The following GAS6 variants were observed in gnomAD, a reference collection of about 807,000 sequenced individuals.
GAS6 encodes the protein growth arrest-specific protein 6.
GAS6 carries 41 observed loss-of-function variants against 75.8 expected under a neutral mutation model. The observed-to-expected ratio is 0.54, with a 90% CI of 0.42 to 0.70. The LOEUF is 0.70. Among genes scored for constraint, GAS6 ranks in the 30% least tolerant of loss-of-function variants. The pLI, the probability that GAS6 is intolerant of heterozygous loss-of-function variation, is 0.00. For synonymous variants in GAS6, 432 were observed against 412.6 expected (o/e 1.05, Z -0.57); for missense variants, 854 against 940.2 (o/e 0.91, Z 1.20).
chr13:113,825,690 T>C (rs1447699542), intron 12 of GAS6, among the ~76,000 whole-genome samples: 2 of 152,204 alleles, frequency 1.3e-5, no homozygotes, highest in Admixed American at 1.3e-4. Context: ...TCAAACATTA[T>C]GATGCTCTAG....
chr13:113,842,867 C>A (rs367745316), intron 4 of GAS6: 1 of 396,982 alleles, frequency 2.5e-6, no homozygotes, highest in Non-Finnish European at 4.4e-6. Context: ...GAATGCCTTT[C>A]GGAAAGACCT....
rs772864176 is a variant in GAS6, at chr13:113,835,569, T to G, written c.656A>C (p.Tyr219Ser). The G allele has an allele frequency of 1.7e-5, 28 of 1,611,702 alleles. No individual in the cohort carries two copies. Among genetic ancestry groups the G allele is most frequent in the Non-Finnish European group, 2.3e-5 (27 of 1,179,710 alleles). Residue 219 changes from tyrosine to serine, a missense_variant, in exon 7 of 15, where the codon TAC (tyrosine) becomes TCC (serine). Tyr to Ser is a moderately radical substitution (Grantham distance 144). Transcript: ENST00000327773. ...AAAGCCCTCGTCACAGAGGCAGGAG[T>G]AGGAGCCGGGCAGGTTCTTGCAGCG... is the stretch of plus-strand genomic sequence containing the variant. ...EARCKNLPGSYSCLCDEGFAY... is the reference protein window; with the variant it reads ...EARCKNLPGSSSCLCDEGFAY...
intron 3 of GAS6, 124 bp downstream of exon 3, chr13:113,847,902 T>C (rs1293797795): frequency 3.5e-5 from 31 of 886,840 alleles, no homozygotes; most frequent in Non-Finnish European, 5.5e-5. Flanking sequence ...CAGTTCCACG[T>C]GCACCATGTG....
intron 4 of GAS6, chr13:113,840,162 T>G (rs2051761000): frequency 2.9e-6 from 1 of 348,768 alleles, no homozygotes; most frequent in African/African-American, 2.2e-5. Context: ...GCCTGGGAGC[T>G]CAGACCTCCC....
chr13:113,856,221 C>A (rs374754733), intron 2 of GAS6, among the ~76,000 whole-genome samples: 23 of 152,334 alleles, frequency 1.5e-4, no homozygotes, highest in African/African-American at 5.3e-4. Flanking sequence ...CACCACTCAG[C>A]CCTCACATGG....
At chr13:113,835,946 A>G in intron 6 of GAS6, 1 of 1,151,014 alleles carries the variant, frequency 8.7e-7, no homozygotes, top group African/African-American at 1.6e-5. Flanking sequence ...CATTTAAATG[A>G]CGGTGCTACA....
At chr13:113,849,291 G>A (rs989876831) in intron 2 of GAS6, among the ~76,000 whole-genome samples, 2 of 152,174 alleles carry the variant, frequency 1.3e-5, no homozygotes, top group Non-Finnish European at 2.9e-5. Context: ...CTGCAGACCT[G>A]GAACACACAC....
Position 113,832,749 on chromosome 13 carries a change from T to C in GAS6, c.838A>G (p.Ile280Val). The C allele has an allele frequency of 6.2e-7, 1 of 1,612,664 alleles. No individual in the cohort carries two copies. Among genetic ancestry groups the C allele is most frequent in the Non-Finnish European group, 8.5e-7 (1 of 1,179,920 alleles). Residue 280 changes from isoleucine (I) to valine (V), a missense_variant, in exon 9 of 15, where the codon ATC becomes GTC. Transcript: ENST00000327773. Reference protein sequence around the residue: ...LSQDMDTCEDILPCVPFSVAK... With the variant: ...LSQDMDTCEDVLPCVPFSVAK... ...ACGCTGAAGGGCACGCACGGCAAGATGTCCTGCCACGGACGGGGGCCACGC... is the reference window on the plus strand; with the variant it reads ...ACGCTGAAGGGCACGCACGGCAAGACGTCCTGCCACGGACGGGGGCCACGC...
At position 113,826,985 on chromosome 13, in the gene GAS6, C is replaced by G; in HGVS notation, c.1477+11G>C. 6.2e-7 allele frequency: 1 copy of G among 1,611,314 alleles called. No homozygotes were observed. Among genetic ancestry groups the G allele is most frequent in the Non-Finnish European group, 8.5e-7 (1 of 1,179,044 alleles). ...GCCACAGCCACCCCAACGGTAAGAG[C>G]CAAGACTTACTGTAGTCCAGGCTGT... On this transcript the variant is annotated intron_variant, in intron 12 of 14. Coordinates refer to ENST00000327773, the MANE Select transcript of GAS6 (RefSeq NM_000820.4).
In GAS6 at chr13:113,832,343, C is replaced by T; in HGVS notation, c.1099G>A (p.Val367Ile). The T allele has an allele frequency of 6.2e-7, 1 of 1,604,498 alleles. No individual in the cohort carries two copies. Among genetic ancestry groups the T allele is most frequent in the Non-Finnish European group, 8.5e-7 (1 of 1,179,840 alleles). The change falls in exon 10 of 15, where the codon GTC (valine) becomes ATC (isoleucine). Residue 367 changes from valine to isoleucine, a missense_variant. Transcript: ENST00000327773. ...LQLRYNGVGRVTSSGPVINHG... is the reference protein window; with the variant it reads ...LQLRYNGVGRITSSGPVINHG... The stretch of plus-strand genomic sequence containing the variant: ...TTGATGACCGGGCCGCTGCTGGTGA[C>T]ACGGCCGACACCGTTGTAGCGCAGC...
intron 7 of GAS6, 31 bp from the exon 8 acceptor site, chr13:113,834,703 G>A (rs374998765): frequency 5.4e-5 from 81 of 1,500,860 alleles, no homozygotes; most frequent in East Asian, 1.9e-4. Flanking sequence ...GCGGTGAGCC[G>A]GGGAGGCCTC....
intron 10 of GAS6, among the ~76,000 whole-genome samples, chr13:113,831,409 G>T (rs1009932796): frequency 6.6e-6 from 1 of 152,196 alleles, no homozygotes; most frequent in Admixed American, 6.5e-5. Context: ...GCCACGGCCC[G>T]GGAGACACGT....
In GAS6 at chr13:113,837,948, C is replaced by T. The variant is rs1346826212; in HGVS notation, c.589+121G>A. On this transcript the variant is annotated intron_variant, in intron 6 of 14. Transcript: ENST00000327773. The surrounding 1 kb of genome is among the most constrained non-coding windows in gnomAD (Gnocchi z 5.1). ...GGCTTGTGTAGTCTCTGCAGGATGC[C>T]CCATCCCATCCAGAACCACAGGAAC... 1.7e-5 allele frequency: 21 copies of T among 1,209,036 alleles called. No individual in the cohort carries two copies. Among genetic ancestry groups the T allele is most frequent in the South Asian group, 2.7e-5 (2 of 72,750 alleles). 74.9% of individuals were successfully genotyped at this position (1,209,036 alleles called of 1,614,324 possible).
chr13:113,825,299 G>T (rs993074560), intron 12 of GAS6, among the ~76,000 whole-genome samples: 1 of 151,066 alleles, frequency 6.6e-6, no homozygotes. Flanking sequence ...TTGGCCATCG[G>T]GGCTTCACAA....
intron 10 of GAS6, among the ~76,000 whole-genome samples, chr13:113,830,541 T>G: frequency 1.9e-5 from 1 of 53,076 alleles, no homozygotes; most frequent in East Asian, 4.7e-4. Context: ...TCAGGCCACC[T>G]GCCCCGGGCC....
rs894686352 is a variant in GAS6 at position 113,864,060 on chromosome 13, C to T, written c.-140G>A. On this transcript the variant is annotated 5_prime_UTR_variant, in exon 1 of 15. In the 5' UTR this introduces an upstream ATG that the reference lacks. Transcript: ENST00000327773. ...GGCGGCGGCGGCGGCGGCTGCGGCACCTCAAGCGCTCGGTCTGGGCGTGTT... is the reference window on the plus strand; with the variant it reads ...GGCGGCGGCGGCGGCGGCTGCGGCATCTCAAGCGCTCGGTCTGGGCGTGTT... The T allele has an allele frequency of 9.2e-4, 806 of 879,814 alleles. 2 individuals carry two copies. Among genetic ancestry groups the T allele is most frequent in the Non-Finnish European group, 9.9e-4 (725 of 732,084 alleles). 54.5% of individuals were successfully genotyped at this position (879,814 alleles called of 1,614,324 possible).
intron 10 of GAS6, among the ~76,000 whole-genome samples, chr13:113,830,396 T>C (rs3934835): frequency 0.47 from 48,925 of 104,918 alleles, 12,126 homozygotes; most frequent in African/African-American, 0.69. Context: ...CCACCTGCCC[T>C]GGGCCCCTCC....
rs1299191376 is a variant in GAS6 at position 113,820,938 on chromosome 13, G to A, written c.1963C>T (p.Leu655=). Residue 655 remains leucine, a synonymous_variant, in exon 15 of 15, where the codon CTG becomes TTG. Coordinates refer to ENST00000327773, the MANE Select transcript of GAS6 (RefSeq NM_000820.4). ...TLEVNRRLLD[L]DEAAYKHSDI... ...CTGTGCTTGTACGCCGCCTCGTCCA[G>A]GTCCAGCAGCCTCCGGTTGACCTCC... The A allele has an allele frequency of 6.2e-7, 1 of 1,612,660 alleles. No individual in the cohort carries two copies. Among genetic ancestry groups the A allele is most frequent in the South Asian group, 1.1e-5 (1 of 91,076 alleles).
At position 113,824,192 on chromosome 13, in the gene GAS6, CCGCGG is replaced by C. The variant is rs1566352617; in HGVS notation, c.1478-647_1478-643del. Among the ~76,000 whole-genome samples, 76 of 70,266 alleles carry C rather than the reference CCGCGG, an allele frequency of 1.1e-3. 14 individuals carry two copies. The highest frequency in any genetic ancestry group is 5.9e-3 in the African/African-American group (68 of 11,518). 46.1% of individuals were successfully genotyped at this position (70,266 alleles called of 152,430 possible). ...CTGGGGTCTGAGCTGTCAGGAGCAC[CCGCGG>C]TCTGGGGTCTGAGCTGTCGGGAGCA... is the stretch of plus-strand genomic sequence containing the variant. On this transcript the variant is annotated intron_variant, in intron 12 of 14. Transcript: ENST00000327773.
Sources: allele counts gnomAD v4.1 joint callset (sites outside exome capture counted in the v4.1 genomes callset), GRCh38; gene constraint gnomAD v4.1.1; non-coding constraint Gnocchi (gnomAD v3.1); transcripts MANE v1.5; gene names NCBI Gene and HGNC (gene_info 2026-07-23, HGNC 2026-07-21).